The following LSAMP variants were observed in gnomAD, a reference collection of about 807,000 sequenced individuals.
The protein encoded by LSAMP is limbic system-associated membrane protein.
In LSAMP, 7 loss-of-function variants were observed where a neutral mutation model predicts 38.6. The observed-to-expected ratio is 0.18, with a 90% CI of 0.10 to 0.34. LSAMP has a LOEUF of 0.34. Ranked by LOEUF, LSAMP falls within the 10% of genes least tolerant of loss-of-function variation. The pLI is 1.00. For missense variants in LSAMP, 313 were observed against 420.0 expected, an observed-to-expected ratio of 0.75 and a Z score of 2.23; for synonymous variants, 154 against 166.8, an observed-to-expected ratio of 0.92 and a Z score of 0.59.
intron 1 of LSAMP, among the ~76,000 whole-genome samples, chr3:116,283,216 AAAG>A (rs1425672574): frequency 1.6e-5 from 2 of 128,060 alleles, no homozygotes; most frequent in African/African-American, 7.2e-5. Flanking sequence ...TTCAGAAAAA[AAAG>A]AAGAAAGAAA....
chr3:116,326,482 G>T (rs1171612583), intron 1 of LSAMP, among the ~76,000 whole-genome samples: 1 of 152,150 alleles, frequency 6.6e-6, no homozygotes, highest in East Asian at 1.9e-4. Context: ...GTCCCACAAT[G>T]ACACTAGAGT....
Position 116,445,021 on chromosome 3 carries a change from C to G in LSAMP, c.11G>C (p.Arg4Thr). ...CAACTGTTTCCGATCCGGCTGAACT[C>G]TCCTGACCATGGTGGCCACGCCGAG... MVRRVQPDRKQLPL... is the reference protein window; with the variant it reads MVRTVQPDRKQLPL... The change falls in exon 1 of 7, where the codon AGA (arginine) becomes ACA (threonine). Residue 4 changes from arginine to threonine, a missense_variant. Physicochemically the swap from Arg to Thr is moderately conservative, Grantham distance 71. Transcript: ENST00000490035. The G allele has an allele frequency of 3.7e-6, 6 of 1,612,180 alleles. No homozygotes were observed. The highest frequency in any genetic ancestry group is 5.1e-6 in the Non-Finnish European group (6 of 1,178,474).
At chr3:116,381,062 G>T (rs2048551806) in intron 1 of LSAMP, among the ~76,000 whole-genome samples, 1 of 151,940 alleles carries the variant, frequency 6.6e-6, no homozygotes, top group Non-Finnish European at 1.5e-5. Context: ...ATGGAAAGAG[G>T]TATTTATTTT....
chr3:115,883,114 T>G (rs751561106), intron 3 of LSAMP, among the ~76,000 whole-genome samples: 3 of 152,040 alleles, frequency 2.0e-5, no homozygotes, highest in Non-Finnish European at 2.9e-5. Context: ...TTCCAAAGCA[T>G]TATTTATATT....
chr3:116,203,473 T>A (rs2046019269), intron 1 of LSAMP, among the ~76,000 whole-genome samples: 1 of 151,880 alleles, frequency 6.6e-6, no homozygotes, highest in Admixed American at 6.6e-5. Context: ...TATGTATACA[T>A]GTGACATGCT....
At chr3:116,333,488 C>A (rs551108803) in intron 1 of LSAMP, among the ~76,000 whole-genome samples, 1 of 148,010 alleles carries the variant, frequency 6.8e-6, no homozygotes, top group Admixed American at 6.8e-5. Flanking sequence ...GAGCAAGGAT[C>A]GTGCCACTGC....
At chr3:116,398,577 A>T (rs1480899646) in intron 1 of LSAMP, among the ~76,000 whole-genome samples, 1 of 152,236 alleles carries the variant, frequency 6.6e-6, no homozygotes, top group Admixed American at 6.5e-5. Context: ...CACCTAGACT[A>T]CATGGGAAAA....
chr3:116,202,780 T>C (rs910401135), intron 1 of LSAMP, among the ~76,000 whole-genome samples: 1 of 152,152 alleles, frequency 6.6e-6, no homozygotes, highest in African/African-American at 2.4e-5. Flanking sequence ...TAACTCCTAC[T>C]CCGGGAAGCC....
chr3:116,097,830 G>T (rs1195530483), intron 1 of LSAMP, among the ~76,000 whole-genome samples: 2 of 151,918 alleles, frequency 1.3e-5, no homozygotes, highest in Non-Finnish European at 2.9e-5. Flanking sequence ...CGGCCTCCTG[G>T]GTTCAAGCAA....
chr3:116,420,470 A>G (rs1437226216), intron 1 of LSAMP, among the ~76,000 whole-genome samples: 1 of 152,222 alleles, frequency 6.6e-6, no homozygotes, highest in Admixed American at 6.5e-5. Flanking sequence ...GGCATGAAGT[A>G]CTAAAAATTT....
intron 1 of LSAMP, among the ~76,000 whole-genome samples, chr3:116,201,010 C>T (rs1221720337): frequency 6.6e-6 from 1 of 152,144 alleles, no homozygotes; most frequent in Non-Finnish European, 1.5e-5. Flanking sequence ...AACAGGGATG[C>T]AAAAAGGAGA....
At chr3:115,849,757 A>C (rs529889508) in intron 4 of LSAMP, among the ~76,000 whole-genome samples, 1 of 152,322 alleles carries the variant, frequency 6.6e-6, no homozygotes, top group East Asian at 1.9e-4. Context: ...AACTATATTT[A>C]AGTTGGATTA....
At chr3:116,026,163 A>G (rs1234473889) in intron 2 of LSAMP, among the ~76,000 whole-genome samples, 1 of 152,130 alleles carries the variant, frequency 6.6e-6, no homozygotes, top group Non-Finnish European at 1.5e-5. Flanking sequence ...ACCTAATAAT[A>G]TAGACTCCCT....
chr3:115,871,535 T>G (rs1202318271), intron 3 of LSAMP, among the ~76,000 whole-genome samples: 4 of 151,902 alleles, frequency 2.6e-5, no homozygotes, highest in Non-Finnish European at 5.9e-5. Flanking sequence ...CTGTTTAAAT[T>G]GTTTCAGTGT....
intron 2 of LSAMP, among the ~76,000 whole-genome samples, chr3:116,022,653 T>C (rs1553760667): frequency 3.3e-5 from 5 of 152,224 alleles, no homozygotes; most frequent in Non-Finnish European, 7.3e-5. Context: ...CTTAAGCTTA[T>C]CTTGTCCTTT....
chr3:115,924,335 C>T (rs941643161), intron 3 of LSAMP, among the ~76,000 whole-genome samples: 3 of 152,124 alleles, frequency 2.0e-5, no homozygotes, highest in African/African-American at 7.2e-5. Context: ...TTTCCCTTTT[C>T]ATCGTCTCTT....
chr3:116,166,587 T>G (rs1262924279), intron 1 of LSAMP, among the ~76,000 whole-genome samples: 1 of 152,142 alleles, frequency 6.6e-6, no homozygotes, highest in African/African-American at 2.4e-5. Flanking sequence ...TATATATGCA[T>G]GTATATATGT....
At chr3:116,161,713 A>G (rs1244884567) in intron 1 of LSAMP, among the ~76,000 whole-genome samples, 1 of 152,178 alleles carries the variant, frequency 6.6e-6, no homozygotes, top group Non-Finnish European at 1.5e-5. Flanking sequence ...TAGTGCCAAT[A>G]AATATTCTAA....
At chr3:116,094,433 T>C (rs1708183288) in intron 1 of LSAMP, among the ~76,000 whole-genome samples, 1 of 152,210 alleles carries the variant, frequency 6.6e-6, no homozygotes, top group African/African-American at 2.4e-5. Flanking sequence ...GACCCTAATC[T>C]TAGTTTGGTA....
Sources: allele counts gnomAD v4.1 joint callset (sites outside exome capture counted in the v4.1 genomes callset), GRCh38; gene constraint gnomAD v4.1.1; transcripts MANE v1.5; gene names NCBI Gene and HGNC (gene_info 2026-07-23, HGNC 2026-07-21).